Variants in MOCOS observed in about 807,000 individuals in gnomAD.
The protein encoded by MOCOS is human molybdenum cofactor sulfurase.
A neutral mutation model predicts 83.6 loss-of-function variants in MOCOS; 86 were observed. The observed-to-expected ratio is 1.03, with a 90% CI of 0.86 to 1.23. The LOEUF is 1.23. Ranked by LOEUF, MOCOS falls within the 50% of genes most tolerant of loss-of-function variation. The probability of loss-of-function intolerance (pLI) is 0.00; values close to 1 mark genes in which losing one functional copy is unlikely to be tolerated. For synonymous variants in MOCOS, 445 were observed against 434.7 expected (o/e 1.02, Z -0.29); for missense variants, 1,120 against 1,126.9 (o/e 0.99, Z 0.09).
At chr18:36,216,876 G>GTACATCT (rs1226921237) in intron 8 of MOCOS, among the ~76,000 whole-genome samples, 1 of 152,196 alleles carries the variant, frequency 6.6e-6, no homozygotes, top group African/African-American at 2.4e-5. Context: ...AATGGGGTGT[G>GTACATCT]TCTCCTGGGA....
rs1488611534 is a variant in MOCOS at position 36,195,240 on chromosome 18, T to C, written c.143-17T>C. 1 of 1,608,070 alleles carries C rather than the reference T, an allele frequency of 6.2e-7. No individual in the cohort carries two copies. The highest frequency in any genetic ancestry group is 1.3e-5 in the African/African-American group (1 of 74,930). The stretch of plus-strand genomic sequence containing the variant: ...ATTCAGGTAAAATTTTAGTATTTAT[T>C]TTGTGTTTTCTTTCAGGAACTGTCT... On this transcript the variant is annotated splice_polypyrimidine_tract_variant and intron_variant, in intron 1 of 14. Transcript: ENST00000261326.
intron 4 of MOCOS, among the ~76,000 whole-genome samples, chr18:36,201,248 T>A (rs2091413241): frequency 6.6e-6 from 1 of 152,008 alleles, no homozygotes; most frequent in Non-Finnish European, 1.5e-5. Flanking sequence ...GACGATAGAG[T>A]CAGTGTTAGC....
intron 1 of MOCOS, among the ~76,000 whole-genome samples, chr18:36,194,569 T>A (rs1299154873): frequency 6.6e-6 from 1 of 152,208 alleles, no homozygotes. Flanking sequence ...GCAAGTGGAA[T>A]TGCTAGGTCA....
chr18:36,190,761 AAAAC>A (rs758420880), intron 1 of MOCOS, among the ~76,000 whole-genome samples: 30 of 151,934 alleles, frequency 2.0e-4, no homozygotes, highest in Non-Finnish European at 3.5e-4. Flanking sequence ...AAAAAACAAA[AAAAC>A]AAAACAAAAC....
intron 8 of MOCOS, among the ~76,000 whole-genome samples, chr18:36,217,897 T>C (rs1290486382): frequency 6.6e-6 from 1 of 152,142 alleles, no homozygotes; most frequent in African/African-American, 2.4e-5. Flanking sequence ...CAGCCTTTCC[T>C]CAATGTGGGC....
At chr18:36,201,491 G>A (rs1213614346) in intron 4 of MOCOS, among the ~76,000 whole-genome samples, 3 of 151,780 alleles carry the variant, frequency 2.0e-5, no homozygotes, top group East Asian at 3.9e-4. Context: ...GTGAAACTCC[G>A]TCTCTACTAA....
intron 9 of MOCOS, 83 bp from the exon 10 acceptor site, chr18:36,248,839 C>G: frequency 1.7e-6 from 2 of 1,179,976 alleles, no homozygotes; most frequent in Non-Finnish European, 2.5e-6. Flanking sequence ...GTTTTGGTTA[C>G]TACAGCTTTG....
At chr18:36,226,184 TG>T (rs1324382540) in intron 9 of MOCOS, among the ~76,000 whole-genome samples, 1 of 152,210 alleles carries the variant, frequency 6.6e-6, no homozygotes, top group Non-Finnish European at 1.5e-5. Flanking sequence ...GTTTGCTTTA[TG>T]TATTTAGGTG....
At chr18:36,254,140 C>T (rs1414757794) in intron 11 of MOCOS, among the ~76,000 whole-genome samples, 1 of 152,024 alleles carries the variant, frequency 6.6e-6, no homozygotes, top group Admixed American at 6.5e-5. Context: ...TAGAGGACAC[C>T]CCTTAGGGTC....
intron 9 of MOCOS, 94 bp downstream of exon 9, chr18:36,220,311 G>A: frequency 6.7e-7 from 1 of 1,491,090 alleles, no homozygotes; most frequent in Non-Finnish European, 9.2e-7. Context: ...TAACCCATCA[G>A]CCTGGGCAAT....
intron 6 of MOCOS, among the ~76,000 whole-genome samples, chr18:36,210,979 C>T (rs1025170096): frequency 1.5e-4 from 22 of 150,508 alleles, no homozygotes; most frequent in Non-Finnish European, 1.6e-4. Context: ...GTGTGGGTGT[C>T]TGGGGACTCT....
intron 9 of MOCOS, among the ~76,000 whole-genome samples, chr18:36,222,845 C>T (rs906657645): frequency 2.0e-5 from 3 of 152,198 alleles, no homozygotes; most frequent in African/African-American, 7.2e-5. Flanking sequence ...TGTGATCTGC[C>T]TGCCTCGGCC....
intron 9 of MOCOS, among the ~76,000 whole-genome samples, chr18:36,240,400 G>T (rs1474257881): frequency 6.7e-6 from 1 of 150,192 alleles, no homozygotes; most frequent in African/African-American, 2.5e-5. Flanking sequence ...TGCAGTGTGA[G>T]GTGTCAGTGT....
At chr18:36,197,930 A>G (rs1030381689) in intron 2 of MOCOS, among the ~76,000 whole-genome samples, 1 of 152,206 alleles carries the variant, frequency 6.6e-6, no homozygotes, top group East Asian at 1.9e-4. Context: ...ACCCCCAGGC[A>G]ATTGCTAATC....
At chr18:36,223,285 T>C (rs931397809) in intron 9 of MOCOS, among the ~76,000 whole-genome samples, 3 of 152,160 alleles carry the variant, frequency 2.0e-5, no homozygotes, top group African/African-American at 7.2e-5. Flanking sequence ...AAGATAAGGG[T>C]CCAATTTTAT....
At chr18:36,259,614 GAGATCTCAGTGCTTCTT>G (rs373777920) in intron 12 of MOCOS, among the ~76,000 whole-genome samples, 40 of 151,626 alleles carry the variant, frequency 2.6e-4, no homozygotes, top group African/African-American at 8.2e-4. Context: ...AAAAGGGAAT[GAGATCTCAGTGCTTCTT>G]AGGTCTTTGA....
chr18:36,256,885 T>TA lies in MOCOS; in HGVS notation c.2165-76dup, dbSNP rs530596681. Reference sequence around the variant, plus strand: ...CCTTGTAGAAATAGTCTCTACCTTTTAAAAAAATACAAGTCTATGGAAACA... The same window carrying TA: ...CCTTGTAGAAATAGTCTCTACCTTTTAAAAAAAATACAAGTCTATGGAAACA... On this transcript the variant is annotated intron_variant, in intron 11 of 14. Transcript: ENST00000261326. The TA allele has an allele frequency of 9.5e-4, 1,178 of 1,238,240 alleles. 2 individuals are homozygous for TA. Among genetic ancestry groups the TA allele is most frequent in the Non-Finnish European group, 1.3e-3 (1,064 of 838,804 alleles). The allele number at this position is 1,238,240 out of a possible 1,614,324, so 76.7% of individuals were successfully genotyped here.
intron 9 of MOCOS, among the ~76,000 whole-genome samples, chr18:36,223,780 A>G (rs1159424893): frequency 1.3e-5 from 2 of 152,000 alleles, no homozygotes; most frequent in Non-Finnish European, 2.9e-5. Context: ...TTCTTTCATC[A>G]ATGTTTTGTA....
intron 10 of MOCOS, among the ~76,000 whole-genome samples, chr18:36,250,849 C>T (rs558881596): frequency 2.0e-5 from 3 of 152,278 alleles, no homozygotes; most frequent in Admixed American, 2.0e-4. Context: ...AGCAACATAT[C>T]ACTCTGGAAG....
Sources: allele counts gnomAD v4.1 joint callset (sites outside exome capture counted in the v4.1 genomes callset), GRCh38; gene constraint gnomAD v4.1.1; transcripts MANE v1.5; gene names NCBI Gene and HGNC (gene_info 2026-07-23, HGNC 2026-07-21).